The following ZNF653 variants were observed in gnomAD, a reference collection of about 807,000 sequenced individuals.
The protein encoded by ZNF653 is 67 kDa zinc finger protein.
Under a neutral mutation model 59.9 loss-of-function variants are expected in ZNF653, and 37 were observed. The ratio of observed to expected loss-of-function variants is 0.62; its 90% CI spans 0.48 to 0.81. The LOEUF (loss-of-function observed/expected upper bound fraction) is 0.81. ZNF653 is among the 40% of genes least tolerant of loss of function. The pLI is 0.00. For missense variants in ZNF653, 808 were observed against 881.1 expected (o/e 0.92, Z 1.05); for synonymous variants, 435 against 371.8 (o/e 1.17, Z -1.96).
At position 11,487,527 on chromosome 19, in the gene ZNF653, G is replaced by T; in HGVS notation, c.936C>A (p.Gly312=). ...TGATCACCTGTGAGCCGGGCACCATGCCTGGCATGGGGCAGCTGGCCACCA... is the reference window on the plus strand; with the variant it reads ...TGATCACCTGTGAGCCGGGCACCATTCCTGGCATGGGGCAGCTGGCCACCA... The part of the protein sequence containing the change: ...GEVVASCPMP[G]MVPGSQVIII... The change falls in exon 4 of 9, where the codon GGC becomes GGA. Residue 312 remains glycine, a synonymous_variant. Coordinates refer to ENST00000293771, the MANE Select transcript of ZNF653 (RefSeq NM_138783.4). The surrounding 1 kb of genome is among the most constrained non-coding windows in gnomAD (Gnocchi z 5.1). 1 of 1,613,908 alleles carries T rather than the reference G, an allele frequency of 6.2e-7. No homozygotes were observed. The highest frequency in any genetic ancestry group is 1.1e-5 in the South Asian group (1 of 91,084).
At chr19:11,494,005 AGACCCTGTCT>A (rs775945081) in intron 3 of ZNF653, among the ~76,000 whole-genome samples, 17 of 151,680 alleles carry the variant, frequency 1.1e-4, no homozygotes, top group South Asian at 2.1e-4. Context: ...GGCAACCGTG[AGACCCTGTCT>A]TAAAAAAAAT....
At chr19:11,490,095 G>A (rs532048945) in intron 3 of ZNF653, among the ~76,000 whole-genome samples, 1 of 152,340 alleles carries the variant, frequency 6.6e-6, no homozygotes, top group African/African-American at 2.4e-5. Context: ...GGGCTACCCT[G>A]TATGTCTGAC....
Position 11,483,536 on chromosome 19 carries a change from C to T in ZNF653, c.*146G>A. Reference sequence around the variant, plus strand: ...GCGGTGGGGCGGGGTGGGGAACCTGCCCAGGGGGCCCAGCTCTGGGGCGGG... The same window carrying T: ...GCGGTGGGGCGGGGTGGGGAACCTGTCCAGGGGGCCCAGCTCTGGGGCGGG... On this transcript the variant is annotated 3_prime_UTR_variant, in exon 9 of 9. Transcript: ENST00000293771. 7.1e-7 allele frequency: 1 copy of T among 1,407,172 alleles called. No homozygotes were observed. Among genetic ancestry groups the T allele is most frequent in the Non-Finnish European group, 9.3e-7 (1 of 1,079,504 alleles). 87.2% of individuals were successfully genotyped at this position (1,407,172 alleles called of 1,614,324 possible). A position where few individuals can be genotyped will look rare whatever the true frequency, so the allele number is the denominator to read the frequency against.
chr19:11,494,376 ACATAAAACAT>A (rs1240700369), intron 3 of ZNF653, among the ~76,000 whole-genome samples: 3,471 of 148,716 alleles, frequency 0.023, 154 homozygotes, highest in African/African-American at 0.086. Context: ...ACATAACATA[ACATAAAACAT>A]AACATAACAT....
intron 3 of ZNF653, among the ~76,000 whole-genome samples, chr19:11,494,455 C>T (rs1971563692): frequency 6.6e-6 from 1 of 152,100 alleles, no homozygotes; most frequent in Non-Finnish European, 1.5e-5. Flanking sequence ...CTTTGGAAGG[C>T]CGAGGTGGGT....
rs1971477842 is a variant in ZNF653 at position 11,487,278 on chromosome 19, C to G, written c.1171+14G>C. On this transcript the variant is annotated intron_variant, in intron 4 of 8. Transcript: ENST00000293771. This position sits in a 1 kb window ranked among gnomAD's most constrained non-coding sequence, Gnocchi z 5.1. The stretch of plus-strand genomic sequence containing the variant: ...AACCACCCCTGGCCAGAGGCCACGA[C>G]AGGTCCCCCAGACCTTTCTTGGTCT... 4 of 1,607,330 alleles carry G rather than the reference C, an allele frequency of 2.5e-6. No homozygotes were observed. The South Asian group carries it at 4.4e-5, about 18-fold the overall frequency.
rs754853594 is a variant in ZNF653, at chr19:11,496,078, G to A, written c.431C>T (p.Ala144Val). The A allele has an allele frequency of 7.4e-6, 12 of 1,614,024 alleles. No homozygotes were observed. Among genetic ancestry groups the A allele is most frequent in the Admixed American group, 5.0e-5 (3 of 60,006 alleles). The change falls in exon 3 of 9, where the codon GCG becomes GTG. Residue 144 changes from alanine (A) to valine (V), a missense_variant. Ala to Val is a moderately conservative substitution (Grantham distance 64). Coordinates refer to ENST00000293771, the MANE Select transcript of ZNF653 (RefSeq NM_138783.4). Reference protein sequence around the residue: ...KHRCPYEPHLAELDPTFGLYT... With the variant: ...KHRCPYEPHLVELDPTFGLYT... ...CAGGCCAAAAGTGGGGTCTAGCTCC[G>A]CCAGGTGCGGCTCGTACGGGCAGCG...
Position 11,487,853 on chromosome 19 carries a change from C to G in ZNF653, c.610G>C (p.Ala204Pro). Residue 204 changes from alanine to proline, a missense_variant, in exon 4 of 9, where the codon GCC becomes CCC. By Grantham distance (27) the Ala-to-Pro change is conservative. Transcript: ENST00000293771. The surrounding 1 kb of genome is among the most constrained non-coding windows in gnomAD (Gnocchi z 5.1). The stretch of plus-strand genomic sequence containing the variant: ...TCAGGAGACTCCTCAGAGTCAGAGG[C>G]AGAGCCAGAGCTGGATGAGTCAGAG... ...GSSDSSSSGS[A>P]SDSEESPEGQ... is the part of the protein sequence containing the mutation. The G allele has an allele frequency of 1.9e-6, 3 of 1,608,704 alleles. No homozygotes were observed. Among genetic ancestry groups the G allele is most frequent in the Non-Finnish European group, 2.5e-6 (3 of 1,177,134 alleles).
chr19:11,487,164 G>C lies in ZNF653; in HGVS notation c.1172-6C>G. ...CAAGCACAGGTCCTCCTTCTCTACA[G>C]GGTGGACACAGGGTGGTGTCCGCAG... On this transcript the variant is annotated splice_polypyrimidine_tract_variant and splice_region_variant and intron_variant, in intron 4 of 8. Transcript: ENST00000293771. This position sits in a 1 kb window ranked among gnomAD's most constrained non-coding sequence, Gnocchi z 5.1. 1 of 1,610,330 alleles carries C rather than the reference G, an allele frequency of 6.2e-7. No homozygotes were observed. Among genetic ancestry groups the C allele is most frequent in the Non-Finnish European group, 8.5e-7 (1 of 1,179,786 alleles).
In ZNF653 at chr19:11,485,728, A is replaced by G; in HGVS notation, c.1498T>C (p.Cys500Arg). The change falls in exon 7 of 9, where the codon TGC becomes CGC. Residue 500 changes from cysteine to arginine, a missense_variant. By Grantham distance (180) the Cys-to-Arg change is radical (BLOSUM62 -3). Transcript: ENST00000293771. ...TTCTTGCCACAGCCAGGATGAGGGC[A>G]CACTTTGGTCTTTCCTTTCCGATGC... ...LVHRKGKTKV[C>R]PHPGCGKKFY... 6.2e-7 allele frequency: 1 copy of G among 1,614,006 alleles called. No homozygotes were observed. The highest frequency in any genetic ancestry group is 8.5e-7 in the Non-Finnish European group (1 of 1,179,972).
At position 11,505,489 on chromosome 19, in the gene ZNF653, C is replaced by A. The variant is rs966325043; in HGVS notation, c.298G>T (p.Gly100Trp). Reference sequence around the variant, plus strand: ...TCCCTCGGGGCCAGGCCCCCTCACCCGTGGCGGCCGCTCCGCTGGCCGCGC... The same window carrying A: ...TCCCTCGGGGCCAGGCCCCCTCACCAGTGGCGGCCGCTCCGCTGGCCGCGC... ...LERGQRSGRH[G>W]KPWEQVPKKP... The change falls in exon 1 of 9, where the codon GGG (glycine) becomes TGG (tryptophan). Residue 100 changes from glycine (G) to tryptophan (W), a missense_variant and splice_region_variant. Gly to Trp is a radical substitution (Grantham distance 184, BLOSUM62 -2). Coordinates refer to ENST00000293771, the MANE Select transcript of ZNF653 (RefSeq NM_138783.4). 23 of 1,484,162 alleles carry A rather than the reference C, an allele frequency of 1.5e-5. No individual in the cohort carries two copies. In the Admixed American group the frequency reaches 3.9e-4, roughly 25 times the overall value. 91.9% of individuals were successfully genotyped at this position (1,484,162 alleles called of 1,614,324 possible).
At position 11,505,819 on chromosome 19, in the gene ZNF653, G is replaced by A; in HGVS notation, c.-33C>T. 3.7e-6 allele frequency: 5 copies of A among 1,336,828 alleles called. No homozygotes were observed. The South Asian group carries it at 6.8e-5, about 18-fold the overall frequency. 82.8% of individuals were successfully genotyped at this position (1,336,828 alleles called of 1,614,324 possible). A position where few individuals can be genotyped will look rare whatever the true frequency, so the allele number is the denominator to read the frequency against. On this transcript the variant is annotated 5_prime_UTR_variant, in exon 1 of 9. Transcript: ENST00000293771. ...ACCCTGGTTACCAGCCTCCCCCGTT[G>A]TTAGGAGCCAGACCGGAAGTGGCGC... is the stretch of plus-strand genomic sequence containing the variant.
At chr19:11,500,189 C>T (rs1359900718) in intron 1 of ZNF653, among the ~76,000 whole-genome samples, 1 of 152,146 alleles carries the variant, frequency 6.6e-6, no homozygotes, top group Admixed American at 6.6e-5. Context: ...CGTCTGGTTC[C>T]CAGGACTGCA....
At chr19:11,504,691 T>C (rs1371333750) in intron 1 of ZNF653, 5 of 418,908 alleles carry the variant, frequency 1.2e-5, no homozygotes, top group Non-Finnish European at 1.6e-5. Flanking sequence ...GCGGCACTGC[T>C]TGTGATACGG....
Position 11,483,493 on chromosome 19 carries a change from A to G in ZNF653, c.*189T>C. ...CAGTTCCAGCAATGCAGCCCCAGGC[A>G]CCAGCTCCGAGAAGGATGCGGTGGG... On this transcript the variant is annotated 3_prime_UTR_variant, in exon 9 of 9. Transcript: ENST00000293771. The G allele has an allele frequency of 6.5e-6, 9 of 1,395,314 alleles. No homozygotes were observed. In the South Asian group the frequency reaches 1.4e-4, roughly 22 times the overall value. The allele number at this position is 1,395,314 out of a possible 1,614,324, so 86.4% of individuals were successfully genotyped here.
chr19:11,483,974 G>A, intron 8 of ZNF653, 68 bp downstream of exon 8: 1 of 1,531,824 alleles, frequency 6.5e-7, no homozygotes, highest in South Asian at 1.2e-5. Context: ...GGGCGAAGCC[G>A]CCCCTGGGAC....
chr19:11,495,292 C>T lies in ZNF653; in HGVS notation c.559+658G>A, dbSNP rs531326024. ...GGATGGGAAGGAGAGAGGCAGGGAC[C>T]GCGAAGGTGGGGAGGGAGGAGGAGA... On this transcript the variant is annotated intron_variant, in intron 3 of 8. Transcript: ENST00000293771. The surrounding 1 kb of genome is among the most constrained non-coding windows in gnomAD (Gnocchi z 4.9). Among the ~76,000 whole-genome samples, 14 of 151,906 alleles carry T rather than the reference C, an allele frequency of 9.2e-5. No homozygotes were observed. The East Asian group carries it at 2.1e-3, about 23-fold the overall frequency.
At position 11,485,776 on chromosome 19, in the gene ZNF653, G is replaced by A. The variant is rs376909257; in HGVS notation, c.1456-6C>T. The A allele has an allele frequency of 5.6e-6, 9 of 1,611,102 alleles. No homozygotes were observed. In the African/African-American group the frequency reaches 1.2e-4, roughly 22 times the overall value. ...TGCACAAGATTGACGTGGTTCTGGAGACGAGACAGGCAGAAGTGGGTCCCA... is the reference window on the plus strand; with the variant it reads ...TGCACAAGATTGACGTGGTTCTGGAAACGAGACAGGCAGAAGTGGGTCCCA... On this transcript the variant is annotated splice_polypyrimidine_tract_variant and splice_region_variant and intron_variant, in intron 6 of 8. Coordinates refer to ENST00000293771, the MANE Select transcript of ZNF653 (RefSeq NM_138783.4).
chr19:11,494,604 G>A (rs556626404), intron 3 of ZNF653, among the ~76,000 whole-genome samples: 2 of 152,220 alleles, frequency 1.3e-5, no homozygotes, highest in African/African-American at 4.8e-5. Flanking sequence ...GAAGGAGAAT[G>A]GCTGGAACCT....
Sources: allele counts gnomAD v4.1 joint callset (sites outside exome capture counted in the v4.1 genomes callset), GRCh38; gene constraint gnomAD v4.1.1; non-coding constraint Gnocchi (gnomAD v3.1); transcripts MANE v1.5; gene names NCBI Gene and HGNC (gene_info 2026-07-23, HGNC 2026-07-21).